PTPRQ: variants seen among roughly 807,000 people sequenced by gnomAD.
PTPRQ encodes protein tyrosine phosphatase receptor type Q, also known as phosphatidylinositol phosphatase PTPRQ.
In PTPRQ, 199 loss-of-function variants were observed where a neutral mutation model predicts 246.0. The ratio of observed to expected loss-of-function variants is 0.81; its 90% CI spans 0.72 to 0.91. The LOEUF is 0.91. PTPRQ is among the 40% of genes least tolerant of loss of function. The pLI, the probability that PTPRQ is intolerant of heterozygous loss-of-function variation, is 0.00. For missense variants in PTPRQ, 2,624 were observed against 2,528.4 expected, an observed-to-expected ratio of 1.04 and a Z score of -0.81; for synonymous variants, 869 against 853.2, an observed-to-expected ratio of 1.02 and a Z score of -0.32.
At chr12:80,642,556 T>G (rs146627589) in intron 35 of PTPRQ, among the ~76,000 whole-genome samples, 138 of 152,354 alleles carry the variant, frequency 9.1e-4, no homozygotes, top group African/African-American at 3.1e-3. Flanking sequence ...TCTGAGCTTT[T>G]TGACATCAGC....
chr12:80,456,818 C>T lies in PTPRQ; in HGVS notation c.391-757C>T, dbSNP rs190640565. On this transcript the variant is annotated intron_variant, in intron 3 of 44. Coordinates refer to ENST00000644991, the MANE Select transcript of PTPRQ (RefSeq NM_001145026.2). ...AATCCTGTTAAGTATTTTACATGTG[C>T]TATTTCATTTAGTCCTCAGCACAAT... Among the ~76,000 whole-genome samples the T allele has an allele frequency of 1.2e-4, 19 of 152,196 alleles. No homozygotes were observed. In the East Asian group the frequency reaches 3.5e-3, roughly 28 times the overall value.
intron 27 of PTPRQ, among the ~76,000 whole-genome samples, chr12:80,609,679 A>G (rs1592713761): frequency 6.6e-6 from 1 of 150,576 alleles, no homozygotes; most frequent in African/African-American, 2.4e-5. Flanking sequence ...TCCACAATTA[A>G]TTACTATCCA....
intron 39 of PTPRQ, among the ~76,000 whole-genome samples, chr12:80,662,332 T>C (rs567540942): frequency 1.3e-5 from 2 of 152,080 alleles, no homozygotes; most frequent in African/African-American, 4.8e-5. Flanking sequence ...ATATTTAAAT[T>C]ACTTTTTTAG....
At position 80,519,448 on chromosome 12, in the gene PTPRQ, T is replaced by C. The variant is rs970938620; in HGVS notation, c.2678+9005T>C. Among the ~76,000 whole-genome samples, 4 of 152,276 alleles carry C rather than the reference T, an allele frequency of 2.6e-5. No individual in the cohort carries two copies. In the South Asian group the frequency reaches 8.3e-4, roughly 32 times the overall value. On this transcript the variant is annotated intron_variant, in intron 17 of 44. Coordinates refer to ENST00000644991, the MANE Select transcript of PTPRQ (RefSeq NM_001145026.2). ...ATCTAAAAATTTGGAAAGGAGACTT[T>C]ATTTCTTTTAAAGGATGACAGCCTT...
At chr12:80,674,077 A>C (rs1366463467) in intron 43 of PTPRQ, among the ~76,000 whole-genome samples, 1 of 152,152 alleles carries the variant, frequency 6.6e-6, no homozygotes, top group Non-Finnish European at 1.5e-5. Flanking sequence ...ATGATATTCC[A>C]AGATAATATT....
chr12:80,567,180 G>T (rs1897003561), intron 25 of PTPRQ, among the ~76,000 whole-genome samples: 1 of 152,130 alleles, frequency 6.6e-6, no homozygotes, highest in Non-Finnish European at 1.5e-5. Flanking sequence ...GGATGTATGA[G>T]AAATATAGTA....
chr12:80,475,595 A>G (rs1010035753), intron 8 of PTPRQ, among the ~76,000 whole-genome samples: 7 of 151,970 alleles, frequency 4.6e-5, no homozygotes, highest in African/African-American at 7.3e-5. Context: ...CAGATCAAGT[A>G]TCTTTTTAAA....
chr12:80,675,019 A>G (rs528529388), intron 43 of PTPRQ, among the ~76,000 whole-genome samples: 1 of 152,236 alleles, frequency 6.6e-6, no homozygotes, highest in Non-Finnish European at 1.5e-5. Context: ...AACTACTTCA[A>G]TTCTGTGATA....
intron 43 of PTPRQ, among the ~76,000 whole-genome samples, chr12:80,676,250 A>C (rs1474641307): frequency 6.6e-6 from 1 of 152,236 alleles, no homozygotes; most frequent in Non-Finnish European, 1.5e-5. Context: ...GTCTTAGCAC[A>C]TACTACAGCA....
chr12:80,591,319 A>T (rs1391852573), intron 26 of PTPRQ, among the ~76,000 whole-genome samples: 1 of 151,950 alleles, frequency 6.6e-6, no homozygotes, highest in African/African-American at 2.4e-5. Flanking sequence ...GATAGAGATG[A>T]GGTCTCACTA....
chr12:80,625,595 T>C (rs73351532), intron 33 of PTPRQ, among the ~76,000 whole-genome samples: 8,718 of 152,144 alleles, frequency 0.057, 542 homozygotes, highest in African/African-American at 0.15. Context: ...ATCTTAAAAA[T>C]GTTTAAGTTT....
chr12:80,454,991 G>A (rs1406952455), intron 3 of PTPRQ, among the ~76,000 whole-genome samples: 1 of 152,106 alleles, frequency 6.6e-6, no homozygotes, highest in African/African-American at 2.4e-5. Flanking sequence ...GGCCAATATG[G>A]CGAAATCCCA....
intron 17 of PTPRQ, among the ~76,000 whole-genome samples, chr12:80,528,055 C>T (rs1426050946): frequency 2.0e-5 from 3 of 152,108 alleles, no homozygotes; most frequent in Non-Finnish European, 4.4e-5. Context: ...CATACCACTG[C>T]ACTCCAGCCT....
chr12:80,620,579 G>A lies in PTPRQ; in HGVS notation c.5612+203G>A, dbSNP rs17007001. On this transcript the variant is annotated intron_variant, in intron 32 of 44. Transcript: ENST00000644991. ...ATAAACATACAGTATTATAGGGGAA[G>A]CAGGCAACCCTAAGAGTAATTATGA... Among the ~76,000 whole-genome samples the A allele has an allele frequency of 0.066, 9,998 of 151,804 alleles. 411 individuals are homozygous for A. The highest frequency in any genetic ancestry group is 0.13 in the East Asian group (681 of 5,136).
At chr12:80,585,988 G>T (rs1048974858) in intron 25 of PTPRQ, among the ~76,000 whole-genome samples, 2 of 149,190 alleles carry the variant, frequency 1.3e-5, no homozygotes, top group African/African-American at 2.5e-5. Flanking sequence ...GTGGTGTTTG[G>T]TTTTTTTGTT....
At chr12:80,670,292 C>T in intron 41 of PTPRQ, 52 bp from the exon 42 acceptor site, 1 of 1,540,808 alleles carries the variant, frequency 6.5e-7, no homozygotes, top group Non-Finnish European at 8.8e-7. Flanking sequence ...CTTCAACCTT[C>T]ATTGTGGAAC....
intron 35 of PTPRQ, among the ~76,000 whole-genome samples, chr12:80,641,894 T>TCTCG (rs1899872644): frequency 6.6e-6 from 1 of 151,736 alleles, no homozygotes; most frequent in Non-Finnish European, 1.5e-5. Context: ...GCTCTCTCTC[T>TCTCG]CTCGCTCTCT....
At chr12:80,459,207 T>C (rs780900830) in intron 4 of PTPRQ, 77 bp from the exon 5 acceptor site, 1 of 397,168 alleles carries the variant, frequency 2.5e-6, no homozygotes. Flanking sequence ...TTTAATTTCA[T>C]GTACCATGAA....
intron 28 of PTPRQ, among the ~76,000 whole-genome samples, chr12:80,612,974 A>G (rs1761575400): frequency 6.6e-6 from 1 of 150,614 alleles, no homozygotes; most frequent in African/African-American, 2.4e-5. Flanking sequence ...AGAAGCATAT[A>G]CTGCAAATAA....
Sources: allele counts gnomAD v4.1 joint callset (sites outside exome capture counted in the v4.1 genomes callset), GRCh38; gene constraint gnomAD v4.1.1; transcripts MANE v1.5; gene names NCBI Gene and HGNC (gene_info 2026-07-23, HGNC 2026-07-21).